Variants in ANKS1B observed in about 807,000 individuals in gnomAD.
The protein encoded by ANKS1B is ankyrin repeat and sterile alpha motif domain-containing protein 1B.
ANKS1B carries 36 observed loss-of-function variants against 148.3 expected under a neutral mutation model. The ratio of observed to expected loss-of-function variants is 0.24; its 90% CI spans 0.19 to 0.32. The LOEUF (loss-of-function observed/expected upper bound fraction) is 0.32, where lower values mean the gene tolerates loss of function less well. ANKS1B is among the 10% of genes least tolerant of loss of function. The pLI is 1.00. For missense variants in ANKS1B, 1,157 were observed against 1,542.6 expected, an observed-to-expected ratio of 0.75 and a Z score of 4.19; for synonymous variants, 542 against 560.8, an observed-to-expected ratio of 0.97 and a Z score of 0.47.
intron 9 of ANKS1B, among the ~76,000 whole-genome samples, chr12:99,616,966 C>G (rs1473564752): frequency 1.3e-5 from 2 of 151,978 alleles, no homozygotes; most frequent in African/African-American, 4.8e-5. Context: ...ACAACCCCAT[C>G]AAAAAGTGGG....
At chr12:99,447,199 C>T (rs774947138) in intron 10 of ANKS1B, among the ~76,000 whole-genome samples, 16 of 151,930 alleles carry the variant, frequency 1.1e-4, no homozygotes, top group Non-Finnish European at 2.1e-4. Flanking sequence ...TCAAAGGTGC[C>T]AACAACACAC....
chr12:99,208,958 G>C (rs1366345446), intron 14 of ANKS1B, among the ~76,000 whole-genome samples: 1 of 151,984 alleles, frequency 6.6e-6, no homozygotes, highest in African/African-American at 2.4e-5. Flanking sequence ...CTATTTGTGA[G>C]GATTCTTGTT....
intron 25 of ANKS1B, among the ~76,000 whole-genome samples, chr12:98,764,629 T>C (rs2098456799): frequency 6.6e-6 from 1 of 152,250 alleles, no homozygotes; most frequent in Admixed American, 6.5e-5. Flanking sequence ...TGGATATGCC[T>C]GTTTCCTTGG....
rs563666513 is a variant in ANKS1B, at chr12:99,323,660, A to T, written c.1756+75971T>A. Among the ~76,000 whole-genome samples the T allele has an allele frequency of 9.2e-5, 14 of 152,314 alleles. No homozygotes were observed. In the South Asian group the frequency reaches 2.9e-3, roughly 32 times the overall value. ...AAATAATCATTTCATTTTGTCAGCC[A>T]GTGTTAATTCTTATGGCTTGTTATT... is the stretch of plus-strand genomic sequence containing the variant. On this transcript the variant is annotated intron_variant, in intron 12 of 26. Coordinates refer to ENST00000683438, the MANE Select transcript of ANKS1B (RefSeq NM_001352186.2).
intron 12 of ANKS1B, among the ~76,000 whole-genome samples, chr12:99,332,999 G>T (rs2087895374): frequency 6.6e-6 from 1 of 152,030 alleles, no homozygotes; most frequent in African/African-American, 2.4e-5. Flanking sequence ...GCAGCAATAA[G>T]AAGTCACTGA....
intron 11 of ANKS1B, among the ~76,000 whole-genome samples, chr12:99,414,560 T>C (rs1363549455): frequency 1.3e-5 from 2 of 151,974 alleles, no homozygotes; most frequent in African/African-American, 4.8e-5. Context: ...AAACCATCAT[T>C]CTCAGCAAAC....
At chr12:99,463,091 T>C (rs2096013316) in intron 10 of ANKS1B, among the ~76,000 whole-genome samples, 1 of 152,152 alleles carries the variant, frequency 6.6e-6, no homozygotes, top group Non-Finnish European at 1.5e-5. Context: ...TCACAAATAA[T>C]TCACACGGTG....
chr12:99,416,796 CT>C (rs2094923010), intron 11 of ANKS1B, among the ~76,000 whole-genome samples: 1 of 152,116 alleles, frequency 6.6e-6, no homozygotes, highest in African/African-American at 2.4e-5. Flanking sequence ...TGTACCTTGT[CT>C]TCTCATCTTC....
intron 17 of ANKS1B, among the ~76,000 whole-genome samples, chr12:99,005,967 A>G (rs1199772214): frequency 1.3e-5 from 2 of 152,206 alleles, no homozygotes; most frequent in African/African-American, 4.8e-5. Flanking sequence ...TCTTCTTCCA[A>G]TGACTGAAGA....
At chr12:98,926,270 A>G (rs1486900017) in intron 17 of ANKS1B, among the ~76,000 whole-genome samples, 3 of 152,188 alleles carry the variant, frequency 2.0e-5, no homozygotes, top group African/African-American at 7.2e-5. Context: ...CTGTTCAATC[A>G]TTAGGTAATT....
chr12:99,899,220 C>G (rs892824385), intron 1 of ANKS1B, among the ~76,000 whole-genome samples: 42 of 152,132 alleles, frequency 2.8e-4, no homozygotes, highest in Non-Finnish European at 4.9e-4. Flanking sequence ...GATCAAAAAA[C>G]TTGCCCAAAG....
chr12:99,948,426 C>T (rs1457394678), intron 1 of ANKS1B, among the ~76,000 whole-genome samples: 1 of 150,508 alleles, frequency 6.6e-6, no homozygotes, highest in East Asian at 1.9e-4. Context: ...ACCTTTTATG[C>T]CAACTATTTA....
chr12:99,712,271 G>A (rs565159115), intron 8 of ANKS1B, among the ~76,000 whole-genome samples: 41 of 152,220 alleles, frequency 2.7e-4, no homozygotes, highest in African/African-American at 9.9e-4. Flanking sequence ...TGTTTCATGT[G>A]GGGTTTATGA....
chr12:99,545,760 A>G (rs2153143980), intron 9 of ANKS1B, among the ~76,000 whole-genome samples: 1 of 141,270 alleles, frequency 7.1e-6, no homozygotes, highest in Non-Finnish European at 1.5e-5. Flanking sequence ...ACATATATAT[A>G]TATTTTACAC....
At chr12:99,577,727 T>C (rs2097532244) in intron 9 of ANKS1B, among the ~76,000 whole-genome samples, 1 of 151,790 alleles carries the variant, frequency 6.6e-6, no homozygotes, top group Admixed American at 6.6e-5. Context: ...TCTGTAATAA[T>C]AAAAATAATA....
Position 99,795,979 on chromosome 12 carries a change from T to A in ANKS1B, c.669+10425A>T, listed in dbSNP as rs376915267. On this transcript the variant is annotated intron_variant, in intron 4 of 26. Transcript: ENST00000683438. ...TCTTAGCAACCTCTGTGTACAAGTT[T>A]TTCTTTTCTTTAGTAAGTCAAGAAC... Among the ~76,000 whole-genome samples, 243 of 152,168 alleles carry A rather than the reference T, an allele frequency of 1.6e-3. 5 individuals carry two copies. In the South Asian group the frequency reaches 0.048, roughly 30 times the overall value.
intron 10 of ANKS1B, 110 bp from the exon 11 acceptor site, chr12:99,443,919 C>T (rs2095591199): frequency 1.6e-6 from 2 of 1,246,766 alleles, no homozygotes; most frequent in South Asian, 3.0e-5. Flanking sequence ...AAACTGGTAT[C>T]AATTACAAGA....
rs752215626 is a variant in ANKS1B at position 99,648,281 on chromosome 12, A to G, written c.1272+6786T>C. The G allele has an allele frequency of 5.6e-6, 9 of 1,614,216 alleles. No individual in the cohort carries two copies. In the South Asian group the frequency reaches 9.9e-5, roughly 18 times the overall value. ...CTGCAGCGGCAACTGTACAAAGGCG[A>G]GTATACTATATTCAGGTATGCACCC... On this transcript the variant is annotated intron_variant, in intron 9 of 26. Coordinates refer to ENST00000683438, the MANE Select transcript of ANKS1B (RefSeq NM_001352186.2).
chr12:99,957,418 A>G (rs1256106224), intron 1 of ANKS1B, among the ~76,000 whole-genome samples: 1 of 152,210 alleles, frequency 6.6e-6, no homozygotes, highest in African/African-American at 2.4e-5. Flanking sequence ...CTCTCCCAAA[A>G]TATCTCCTAC....
Sources: allele counts gnomAD v4.1 joint callset (sites outside exome capture counted in the v4.1 genomes callset), GRCh38; gene constraint gnomAD v4.1.1; transcripts MANE v1.5; gene names NCBI Gene and HGNC (gene_info 2026-07-23, HGNC 2026-07-21).